The following RABEP1 variants were observed in gnomAD, a reference collection of about 807,000 sequenced individuals.
RABEP1 encodes rabaptin, RAB GTPase binding effector protein 1.
In RABEP1, 51 loss-of-function variants were observed where a neutral mutation model predicts 123.4. The ratio of observed to expected loss-of-function variants is 0.41; its 90% CI spans 0.33 to 0.52. The LOEUF is 0.52. RABEP1 is among the 20% of genes least tolerant of loss of function. The pLI is 0.16. For missense variants in RABEP1, 888 were observed against 996.3 expected, an observed-to-expected ratio of 0.89 and a Z score of 1.46; for synonymous variants, 347 against 355.2, an observed-to-expected ratio of 0.98 and a Z score of 0.26.
Position 5,362,928 on chromosome 17 carries a change from A to G in RABEP1, c.1580A>G (p.Asn527Ser), listed in dbSNP as rs758123660. The G allele has an allele frequency of 4.0e-5, 65 of 1,613,444 alleles. No homozygotes were observed. Among genetic ancestry groups the G allele is most frequent in the Non-Finnish European group, 5.4e-5 (64 of 1,179,336 alleles). Residue 527 changes from asparagine to serine, a missense_variant, in exon 10 of 18, where the codon AAT (asparagine) becomes AGT (serine). Physicochemically the swap from Asn to Ser is conservative, Grantham distance 46. Coordinates refer to ENST00000537505, the MANE Select transcript of RABEP1 (RefSeq NM_004703.6). ...GCCCTTCAGGTACATAATGCTGGAA[A>G]TAAACTTGGTAGACGTTGTGATATG... ...LLQKEVHNAG[N>S]KLGRRCDMCS... is the part of the protein sequence containing the mutation.
intron 2 of RABEP1, among the ~76,000 whole-genome samples, chr17:5,317,854 G>T (rs540575214): frequency 6.6e-6 from 1 of 152,200 alleles, no homozygotes; most frequent in Admixed American, 6.5e-5. Flanking sequence ...AGGAGCTAAA[G>T]GTTAAGTTGA....
At position 5,368,379 on chromosome 17, in the gene RABEP1, C is replaced by T; in HGVS notation, c.1795C>T (p.Leu599Phe). ...ATGTGTTTTTTTAAAGATCTCTGCA[C>T]TCGTCCTAAGAGCCCAGGCCTCCGA... is the stretch of plus-strand genomic sequence containing the variant. Reference protein sequence around the residue: ...SEDSSHQISALVLRAQASEIL... With the variant: ...SEDSSHQISAFVLRAQASEIL... Residue 599 changes from leucine to phenylalanine, a missense_variant, in exon 12 of 18, where the codon CTC becomes TTC. Leu to Phe is a conservative substitution (Grantham distance 22). Coordinates refer to ENST00000537505, the MANE Select transcript of RABEP1 (RefSeq NM_004703.6). 6.2e-7 allele frequency: 1 copy of T among 1,611,932 alleles called. No individual in the cohort carries two copies. The highest frequency in any genetic ancestry group is 2.2e-5 in the East Asian group (1 of 44,862).
intron 13 of RABEP1, among the ~76,000 whole-genome samples, chr17:5,376,131 C>T (rs1041942085): frequency 6.6e-5 from 10 of 152,136 alleles, no homozygotes; most frequent in South Asian, 2.1e-4. Flanking sequence ...CTTTAGCCAC[C>T]GCGCCTGCCT....
At chr17:5,308,460 G>C (rs1345817920) in intron 1 of RABEP1, among the ~76,000 whole-genome samples, 1 of 152,008 alleles carries the variant, frequency 6.6e-6, no homozygotes, top group Non-Finnish European at 1.5e-5. Context: ...TCCTGACCTC[G>C]GGTGATCCGC....
At chr17:5,368,654 A>T (rs920670451) in intron 12 of RABEP1, among the ~76,000 whole-genome samples, 186 bp downstream of exon 12, 3 of 152,178 alleles carry the variant, frequency 2.0e-5, no homozygotes, top group Non-Finnish European at 4.4e-5. Flanking sequence ...TTTTAAACCT[A>T]CTTTCTGGCC....
chr17:5,377,320 G>T lies in RABEP1; in HGVS notation c.2215+15G>T, dbSNP rs1407376297. The T allele has an allele frequency of 6.4e-7, 1 of 1,563,242 alleles. No individual in the cohort carries two copies. The highest frequency in any genetic ancestry group is 1.2e-5 in the South Asian group (1 of 82,072). ...GGAGGAAATAGGTGAAGATAAAAGTGATGTAGTTTAGAATTAGAGTCACTA... is the reference window on the plus strand; with the variant it reads ...GGAGGAAATAGGTGAAGATAAAAGTTATGTAGTTTAGAATTAGAGTCACTA... On this transcript the variant is annotated intron_variant, in intron 14 of 17. Coordinates refer to ENST00000537505, the MANE Select transcript of RABEP1 (RefSeq NM_004703.6).
At chr17:5,382,309 T>C (rs1911541699) in intron 17 of RABEP1, among the ~76,000 whole-genome samples, 1 of 150,602 alleles carries the variant, frequency 6.6e-6, no homozygotes, top group African/African-American at 2.4e-5. Context: ...CTCAAACTCC[T>C]GACCTCAGGT....
chr17:5,325,251 G>A (rs888301631), intron 2 of RABEP1, among the ~76,000 whole-genome samples: 2 of 152,036 alleles, frequency 1.3e-5, no homozygotes, highest in African/African-American at 4.8e-5. Context: ...CAGGAGAATC[G>A]CTTGAACCCG....
chr17:5,302,243 C>CCTTTTTTTTTTT (rs1567869348), intron 1 of RABEP1, among the ~76,000 whole-genome samples: 1 of 21,568 alleles, frequency 4.6e-5, no homozygotes, highest in Non-Finnish European at 7.0e-5. Flanking sequence ...TTACTGAAAA[C>CCTTTTTTTTTTT]ATTTTTTTTT....
chr17:5,382,205 C>T (rs1911531788), intron 17 of RABEP1, among the ~76,000 whole-genome samples: 1 of 151,560 alleles, frequency 6.6e-6, no homozygotes, highest in Non-Finnish European at 1.5e-5. Flanking sequence ...CCTCATCCTC[C>T]TGGGTAGCTG....
At chr17:5,347,730 TTGAG>T (rs1473559382) in intron 6 of RABEP1, among the ~76,000 whole-genome samples, 6 of 152,162 alleles carry the variant, frequency 3.9e-5, no homozygotes, top group South Asian at 2.1e-4. Context: ...AACCCAAACT[TTGAG>T]TGAAGTTTTG....
At chr17:5,303,071 CA>C (rs2075149879) in intron 1 of RABEP1, among the ~76,000 whole-genome samples, 1 of 151,946 alleles carries the variant, frequency 6.6e-6, no homozygotes, top group Non-Finnish European at 1.5e-5. Flanking sequence ...CTCTGAATGC[CA>C]TTTTGGATAT....
intron 1 of RABEP1, among the ~76,000 whole-genome samples, chr17:5,284,318 C>G (rs1352194492): frequency 6.6e-6 from 1 of 152,070 alleles, no homozygotes; most frequent in African/African-American, 2.4e-5. Context: ...TCTTGTGACT[C>G]TAGGATGAGA....
At chr17:5,352,259 C>A (rs950917246) in intron 7 of RABEP1, among the ~76,000 whole-genome samples, 13 of 151,790 alleles carry the variant, frequency 8.6e-5, no homozygotes, top group African/African-American at 3.1e-4. Context: ...GTGGCACAAT[C>A]TTGGCTCACT....
At chr17:5,321,739 C>T (rs913621472) in intron 2 of RABEP1, among the ~76,000 whole-genome samples, 7 of 152,188 alleles carry the variant, frequency 4.6e-5, no homozygotes, top group South Asian at 2.1e-4. Context: ...AGTACACCTA[C>T]GTCAGATTAA....
chr17:5,282,877 C>G (rs1245121620), intron 1 of RABEP1, among the ~76,000 whole-genome samples: 2 of 151,880 alleles, frequency 1.3e-5, no homozygotes, highest in African/African-American at 2.4e-5. Context: ...GGAACATGTG[C>G]TATATTCGTT....
At chr17:5,295,261 C>G (rs2144474982) in intron 1 of RABEP1, among the ~76,000 whole-genome samples, 2 of 151,890 alleles carry the variant, frequency 1.3e-5, no homozygotes, top group Admixed American at 1.3e-4. Context: ...GTGGTGCACA[C>G]CTGTAATCCC....
rs201875944 is a variant in RABEP1, at chr17:5,299,725, C to CT, written c.35-8964dup. Among the ~76,000 whole-genome samples, 686 of 103,900 alleles carry CT rather than the reference C, an allele frequency of 6.6e-3. 31 individuals are homozygous for CT. Among genetic ancestry groups the CT allele is most frequent in the African/African-American group, 0.011 (280 of 25,218 alleles). The allele number at this position is 103,900 out of a possible 152,430, so 68.2% of individuals were successfully genotyped here. A position where few individuals can be genotyped will look rare whatever the true frequency, so the allele number is the denominator to read the frequency against. On this transcript the variant is annotated intron_variant, in intron 1 of 17. Coordinates refer to ENST00000537505, the MANE Select transcript of RABEP1 (RefSeq NM_004703.6). ...CTTTTTCTTTTTTTCTTTTCTTTTT[C>CT]TTTTTCTTTTTTTTTTTTTTTTGGA...
At chr17:5,303,467 C>A (rs546255779) in intron 1 of RABEP1, among the ~76,000 whole-genome samples, 1 of 152,056 alleles carries the variant, frequency 6.6e-6, no homozygotes, top group Non-Finnish European at 1.5e-5. Flanking sequence ...GTCTTGAACT[C>A]CTGTCCTGAA....
Sources: gnomAD v4.1 joint callset for allele counts (sites outside exome capture counted in the v4.1 genomes callset) on GRCh38, gnomAD v4.1.1 for gene constraint, MANE v1.5 for transcripts, NCBI Gene and HGNC (gene_info 2026-07-23, HGNC 2026-07-21) for gene names.